The following DAB1 variants were observed in gnomAD, a reference collection of about 807,000 sequenced individuals.
DAB1 encodes the protein disabled homolog 1.
DAB1 carries 15 observed loss-of-function variants against 64.6 expected under a neutral mutation model. That is an observed-to-expected ratio of 0.23 (90% confidence interval 0.16 to 0.36). DAB1 has a LOEUF of 0.36. DAB1 is among the 10% of genes least tolerant of loss of function. DAB1 has a pLI of 1.00. For missense variants in DAB1, 596 were observed against 706.7 expected (o/e 0.84, Z 1.78); for synonymous variants, 235 against 251.9 (o/e 0.93, Z 0.64).
chr1:58,310,915 G>A (rs199761022), intron 4 of DAB1, among the ~76,000 whole-genome samples: 1 of 152,118 alleles, frequency 6.6e-6, no homozygotes, highest in African/African-American at 2.4e-5. Context: ...TGCCAGAGGT[G>A]CCCTTCATCT....
intron 5 of DAB1, among the ~76,000 whole-genome samples, chr1:58,047,143 T>C (rs747848020): frequency 4.6e-5 from 7 of 151,862 alleles, no homozygotes; most frequent in Non-Finnish European, 8.8e-5. Flanking sequence ...CCATGGATTG[T>C]GTCAAGCAGT....
intron 2 of DAB1, among the ~76,000 whole-genome samples, chr1:57,149,155 TC>T (rs1336821534): frequency 6.6e-6 from 1 of 152,230 alleles, no homozygotes; most frequent in Non-Finnish European, 1.5e-5. Context: ...TCAAGGTTCA[TC>T]CATGTTATAG....
chr1:57,526,594 G>A (rs1309612742), intron 7 of DAB1, among the ~76,000 whole-genome samples: 4 of 152,202 alleles, frequency 2.6e-5, no homozygotes, highest in Non-Finnish European at 5.9e-5. Context: ...AAAGGCCCAG[G>A]TAAGCAGAAA....
chr1:58,072,472 A>G (rs1033380500), intron 5 of DAB1, among the ~76,000 whole-genome samples: 4 of 152,176 alleles, frequency 2.6e-5, no homozygotes, highest in African/African-American at 7.2e-5. Flanking sequence ...TGGATTGCTT[A>G]ATTTTTCCAA....
At chr1:58,466,145 A>G (rs1440140980) in intron 3 of DAB1, among the ~76,000 whole-genome samples, 1 of 152,060 alleles carries the variant, frequency 6.6e-6, no homozygotes, top group Non-Finnish European at 1.5e-5. Flanking sequence ...CCAATGGAGG[A>G]GCGGGGCAGG....
At chr1:58,025,168 T>C (rs1364943116) in intron 5 of DAB1, among the ~76,000 whole-genome samples, 1 of 151,914 alleles carries the variant, frequency 6.6e-6, no homozygotes, top group African/African-American at 2.4e-5. Context: ...GAACCCCTTA[T>C]ACATCTCTAG....
At chr1:58,274,573 G>A (rs1468794119) in intron 4 of DAB1, among the ~76,000 whole-genome samples, 2 of 147,692 alleles carry the variant, frequency 1.4e-5, no homozygotes, top group Admixed American at 6.7e-5. Context: ...ACCTAAGCAC[G>A]CCTGGGCAAT....
chr1:57,079,853 C>T (rs551135935), intron 4 of DAB1, among the ~76,000 whole-genome samples: 13 of 152,274 alleles, frequency 8.5e-5, no homozygotes, highest in African/African-American at 1.7e-4. Context: ...GTTCCCATGA[C>T]GCAAGTCCTC....
At chr1:57,084,791 C>T (rs1217892679) in intron 4 of DAB1, among the ~76,000 whole-genome samples, 1 of 152,050 alleles carries the variant, frequency 6.6e-6, no homozygotes, top group Non-Finnish European at 1.5e-5. Flanking sequence ...TAGTGCAGTG[C>T]CATGCAATTT....
intron 4 of DAB1, among the ~76,000 whole-genome samples, chr1:58,306,608 T>C (rs1662313775): frequency 1.3e-5 from 2 of 152,150 alleles, no homozygotes; most frequent in Non-Finnish European, 2.9e-5. Flanking sequence ...GTTGCTTGGC[T>C]GCAGAATTGG....
chr1:57,149,579 G>A (rs1350180929), intron 2 of DAB1, among the ~76,000 whole-genome samples: 1 of 152,138 alleles, frequency 6.6e-6, no homozygotes, highest in Non-Finnish European at 1.5e-5. Flanking sequence ...TTTCCCTAAG[G>A]AGTAATGATG....
At chr1:58,139,408 G>A (rs4406656) in intron 5 of DAB1, among the ~76,000 whole-genome samples, 29,900 of 151,988 alleles carry the variant, frequency 0.2, 3,150 homozygotes, top group East Asian at 0.36. Context: ...GGAAAATTAC[G>A]ATCATGGCAA....
chr1:57,523,317 G>C (rs1644552410), intron 7 of DAB1, among the ~76,000 whole-genome samples: 1 of 152,150 alleles, frequency 6.6e-6, no homozygotes, highest in Non-Finnish European at 1.5e-5. Flanking sequence ...GAAGGAGGGA[G>C]AAAAGGATAT....
At chr1:57,429,947 A>G (rs1685436689) in intron 7 of DAB1, among the ~76,000 whole-genome samples, 2 of 151,622 alleles carry the variant, frequency 1.3e-5, no homozygotes, top group South Asian at 4.2e-4. Flanking sequence ...TAATTATCTT[A>G]TAAGACTGCT....
chr1:58,161,881 G>C (rs926386036), intron 4 of DAB1, among the ~76,000 whole-genome samples: 2 of 152,114 alleles, frequency 1.3e-5, no homozygotes, highest in Non-Finnish European at 2.9e-5. Flanking sequence ...TTTTAAGCTA[G>C]GGAATGACAT....
At chr1:58,487,570 A>G (rs1037075388) in intron 3 of DAB1, among the ~76,000 whole-genome samples, 3 of 152,184 alleles carry the variant, frequency 2.0e-5, no homozygotes, top group Non-Finnish European at 4.4e-5. Flanking sequence ...TTCTGAAAAA[A>G]TTCTCCAAAT....
chr1:58,494,409 T>C (rs2100387196), intron 3 of DAB1, among the ~76,000 whole-genome samples: 1 of 152,170 alleles, frequency 6.6e-6, no homozygotes, highest in African/African-American at 2.4e-5. Context: ...AAAGCCAAAA[T>C]TGATAAATGG....
intron 7 of DAB1, among the ~76,000 whole-genome samples, chr1:57,624,922 AT>A (rs574898735): frequency 1.2e-3 from 180 of 152,236 alleles, no homozygotes; most frequent in Non-Finnish European, 1.8e-3. Flanking sequence ...TAGCGTTTTC[AT>A]TTTTTTAAAG....
At chr1:58,253,089 G>A (rs1465381903) in intron 4 of DAB1, among the ~76,000 whole-genome samples, 1 of 152,154 alleles carries the variant, frequency 6.6e-6, no homozygotes. Context: ...TGCTGCATGG[G>A]AATCAGAGAG....
Sources: gnomAD v4.1 joint callset for allele counts (sites outside exome capture counted in the v4.1 genomes callset) on GRCh38, gnomAD v4.1.1 for gene constraint, MANE v1.5 for transcripts, NCBI Gene and HGNC (gene_info 2026-07-23, HGNC 2026-07-21) for gene names.